The following NALCN variants were observed in gnomAD, a reference collection of about 807,000 sequenced individuals.
NALCN encodes sodium leak channel, non-selective, also known as sodium leak channel NALCN.
In NALCN, 111 loss-of-function variants were observed where a neutral mutation model predicts 225.3. The observed-to-expected ratio is 0.49, with a 90% CI of 0.42 to 0.58. NALCN has a LOEUF of 0.58. Ranked by LOEUF, NALCN falls within the 20% of genes least tolerant of loss-of-function variation. The probability of loss-of-function intolerance (pLI) is 0.00; values close to 1 mark genes in which losing one functional copy is unlikely to be tolerated. For missense variants in NALCN, 1,378 were observed against 2,202.4 expected (o/e 0.63, Z 7.49); for synonymous variants, 764 against 769.0 (o/e 0.99, Z 0.11).
intron 14 of NALCN, among the ~76,000 whole-genome samples, chr13:101,190,117 C>G (rs1164811688): frequency 1.3e-5 from 2 of 152,116 alleles, no homozygotes; most frequent in African/African-American, 2.4e-5. Context: ...TTCCAGCTTT[C>G]ATTTTTTGTG....
intron 7 of NALCN, among the ~76,000 whole-genome samples, chr13:101,321,018 A>T (rs2044728740): frequency 6.6e-6 from 1 of 152,152 alleles, no homozygotes; most frequent in Non-Finnish European, 1.5e-5. Context: ...AATGATGCCG[A>T]TGTTATGACA....
intron 3 of NALCN, among the ~76,000 whole-genome samples, chr13:101,385,639 T>C (rs148273627): frequency 6.6e-6 from 1 of 152,342 alleles, no homozygotes; most frequent in East Asian, 1.9e-4. Context: ...TGTATCTCTG[T>C]TGTTCACCTT....
At chr13:101,294,693 G>C (rs2043677699) in intron 7 of NALCN, among the ~76,000 whole-genome samples, 1 of 151,358 alleles carries the variant, frequency 6.6e-6, no homozygotes, top group Non-Finnish European at 1.5e-5. Flanking sequence ...GGGTAGTTTA[G>C]TGAGGGATTT....
chr13:101,193,090 A>T (rs952502730), intron 13 of NALCN, among the ~76,000 whole-genome samples: 4 of 144,882 alleles, frequency 2.8e-5, no homozygotes, highest in African/African-American at 1.0e-4. Context: ...AGATGATTTC[A>T]TCTGATTCCT....
intron 9 of NALCN, among the ~76,000 whole-genome samples, chr13:101,287,153 G>A (rs946413023): frequency 3.9e-5 from 6 of 152,098 alleles, no homozygotes; most frequent in Admixed American, 6.5e-5. Flanking sequence ...TTCTAAAAGC[G>A]GACTTTCTTG....
intron 15 of NALCN, among the ~76,000 whole-genome samples, chr13:101,160,057 C>T (rs1341456305): frequency 3.3e-5 from 5 of 152,074 alleles, no homozygotes; most frequent in African/African-American, 4.8e-5. Context: ...TGGGTTCAAG[C>T]GATTCTACTG....
chr13:101,303,655 A>T (rs1324797323), intron 7 of NALCN, among the ~76,000 whole-genome samples: 1 of 152,172 alleles, frequency 6.6e-6, no homozygotes, highest in African/African-American at 2.4e-5. Context: ...ATAATAGCAC[A>T]ACAAACTTAA....
At chr13:101,079,976 C>T (rs144014077) in intron 34 of NALCN, among the ~76,000 whole-genome samples, 11 of 152,172 alleles carry the variant, frequency 7.2e-5, no homozygotes, top group African/African-American at 2.2e-4. Flanking sequence ...AGGGAAAAAC[C>T]GATAATATTC....
At chr13:101,134,356 C>A (rs1332990037) in intron 17 of NALCN, among the ~76,000 whole-genome samples, 1 of 152,208 alleles carries the variant, frequency 6.6e-6, no homozygotes. Flanking sequence ...GCACCCAGCA[C>A]AAGTTGATCC....
At chr13:101,182,703 G>A (rs1310021782) in intron 14 of NALCN, among the ~76,000 whole-genome samples, 1 of 152,100 alleles carries the variant, frequency 6.6e-6, no homozygotes, top group Non-Finnish European at 1.5e-5. Flanking sequence ...TGATAAGGTG[G>A]CAACTGGCAC....
chr13:101,064,771 G>C (rs758145847), intron 40 of NALCN, among the ~76,000 whole-genome samples: 1 of 152,052 alleles, frequency 6.6e-6, no homozygotes. Context: ...CCAGGACTTC[G>C]AGACCATACC....
chr13:101,346,545 T>G (rs748077089), intron 6 of NALCN, among the ~76,000 whole-genome samples: 25 of 152,000 alleles, frequency 1.6e-4, no homozygotes, highest in South Asian at 8.3e-4. Flanking sequence ...TAAGGAGAAA[T>G]GGAAGGAACT....
chr13:101,415,167 T>C (rs1348504055), intron 1 of NALCN, among the ~76,000 whole-genome samples: 4 of 142,988 alleles, frequency 2.8e-5, no homozygotes, highest in Admixed American at 1.4e-4. Context: ...TCCCAGGCCA[T>C]ATCAAATCAC....
At chr13:101,344,976 C>T (rs1480360612) in intron 7 of NALCN, among the ~76,000 whole-genome samples, 1 of 152,172 alleles carries the variant, frequency 6.6e-6, no homozygotes, top group East Asian at 1.9e-4. Context: ...CCCTGTTCAA[C>T]AAACAAATAT....
chr13:101,118,667 A>G (rs149961986), intron 18 of NALCN, among the ~76,000 whole-genome samples: 1 of 152,206 alleles, frequency 6.6e-6, no homozygotes, highest in Non-Finnish European at 1.5e-5. Flanking sequence ...GGCAGACTTC[A>G]TAGAATTGCA....
At chr13:101,171,298 T>C (rs2038703353) in intron 15 of NALCN, among the ~76,000 whole-genome samples, 1 of 148,804 alleles carries the variant, frequency 6.7e-6, no homozygotes, top group African/African-American at 2.4e-5. Flanking sequence ...ATATAATCTT[T>C]ATATTTAATA....
At chr13:101,077,533 A>G (rs1180969870) in intron 34 of NALCN, among the ~76,000 whole-genome samples, 1 of 152,178 alleles carries the variant, frequency 6.6e-6, no homozygotes, top group Non-Finnish European at 1.5e-5. Flanking sequence ...GACTCTTGTT[A>G]TGCTTTAGCA....
intron 7 of NALCN, among the ~76,000 whole-genome samples, chr13:101,294,560 CTT>C (rs10615640): frequency 0.042 from 3,685 of 87,744 alleles, 52 homozygotes; most frequent in Middle Eastern, 0.077. Context: ...TTTATTGTTT[CTT>C]TTTTTTTTTT....
intron 20 of NALCN, 34 bp downstream of exon 20, chr13:101,110,585 G>A (rs775222761): frequency 8.7e-6 from 14 of 1,606,680 alleles, no homozygotes; most frequent in South Asian, 7.7e-5. Context: ...TCATAATCAC[G>A]TTTCTGAAAT....
Sources: gnomAD v4.1 joint callset for allele counts (sites outside exome capture counted in the v4.1 genomes callset) on GRCh38, gnomAD v4.1.1 for gene constraint, MANE v1.5 for transcripts, NCBI Gene and HGNC (gene_info 2026-07-23, HGNC 2026-07-21) for gene names.